Variants in AMN1 observed in about 807,000 individuals in gnomAD.
The protein encoded by AMN1 is protein AMN1 homolog.
AMN1 carries 20 observed loss-of-function variants against 33.0 expected under a neutral mutation model. The observed-to-expected ratio is 0.61, with a 90% CI of 0.43 to 0.88. AMN1 has a LOEUF of 0.88. Among genes scored for constraint, AMN1 ranks in the 40% least tolerant of loss-of-function variants. AMN1 has a pLI of 0.00. For synonymous variants in AMN1, 114 were observed against 111.9 expected, an observed-to-expected ratio of 1.02 and a Z score of -0.12; for missense variants, 246 against 307.4, an observed-to-expected ratio of 0.80 and a Z score of 1.49.
chr12:31,714,325 A>C (rs1035720636), intron 1 of AMN1: 2 of 152,104 alleles, frequency 1.3e-5, no homozygotes, highest in Non-Finnish European at 2.9e-5. Context: ...CTGCCTTTAA[A>C]ATTTTTATTT....
At chr12:31,674,130 T>C (rs561767848) in intron 6 of AMN1, among the ~76,000 whole-genome samples, 66 of 152,210 alleles carry the variant, frequency 4.3e-4, no homozygotes, top group African/African-American at 1.6e-3. Context: ...AACATTGGGC[T>C]GGGTGCGGTG....
At chr12:31,695,451 G>T (rs376485503) in intron 5 of AMN1, among the ~76,000 whole-genome samples, 2 of 146,964 alleles carry the variant, frequency 1.4e-5, no homozygotes, top group African/African-American at 2.6e-5. Flanking sequence ...TCAAAACTTG[G>T]TATAATAATA....
chr12:31,680,630 G>T (rs947554950), intron 6 of AMN1, among the ~76,000 whole-genome samples: 6 of 152,016 alleles, frequency 3.9e-5, no homozygotes, highest in Non-Finnish European at 7.3e-5. Flanking sequence ...TCTAACTAAG[G>T]TTAAGAAATT....
chr12:31,679,467 G>C (rs368947897), intron 6 of AMN1, among the ~76,000 whole-genome samples: 25 of 152,254 alleles, frequency 1.6e-4, no homozygotes, highest in Admixed American at 9.8e-4. Flanking sequence ...GGAGGCGGAG[G>C]TTGCAGTAAA....
chr12:31,726,631 A>G (rs1448562543), intron 1 of AMN1, among the ~76,000 whole-genome samples: 1 of 152,230 alleles, frequency 6.6e-6, no homozygotes, highest in Non-Finnish European at 1.5e-5. Flanking sequence ...AGAAAGCCTC[A>G]TCAGCTGGAC....
intron 5 of AMN1, among the ~76,000 whole-genome samples, chr12:31,689,378 T>C (rs929093881): frequency 2.0e-5 from 3 of 152,208 alleles, no homozygotes; most frequent in African/African-American, 4.8e-5. Flanking sequence ...GCAATTCCAA[T>C]TGTTGATCTA....
At chr12:31,721,390 C>T (rs1346290712) in intron 1 of AMN1, among the ~76,000 whole-genome samples, 1 of 152,114 alleles carries the variant, frequency 6.6e-6, no homozygotes, top group African/African-American at 2.4e-5. Context: ...TCCTCAACAC[C>T]CTCAGCATTC....
rs1240108160 is a variant in AMN1, at chr12:31,687,172, G to A, written c.703+1835C>T. Among the ~76,000 whole-genome samples, 2 of 151,786 alleles carry A rather than the reference G, an allele frequency of 1.3e-5. No homozygotes were observed. The highest frequency in any genetic ancestry group is 2.9e-5 in the Non-Finnish European group (2 of 67,948). On this transcript the variant is annotated intron_variant, in intron 6 of 6. Coordinates refer to ENST00000281471, the MANE Select transcript of AMN1 (RefSeq NM_001113402.2). The surrounding 1 kb of genome is among the most constrained non-coding windows in gnomAD (Gnocchi z 4.1). ...ATTACAGGCATAAACCACTGCACCCGGCCACCAGTGTCCTTACTGGCTCTA... is the reference window on the plus strand; with the variant it reads ...ATTACAGGCATAAACCACTGCACCCAGCCACCAGTGTCCTTACTGGCTCTA...
At chr12:31,674,836 G>A (rs959996775) in intron 6 of AMN1, among the ~76,000 whole-genome samples, 2 of 149,894 alleles carry the variant, frequency 1.3e-5, no homozygotes, top group Admixed American at 1.3e-4. Flanking sequence ...GCTAAGATGG[G>A]AAAACCCCGT....
intron 1 of AMN1, among the ~76,000 whole-genome samples, 153 bp downstream of exon 1, chr12:31,728,818 A>T (rs1013522876): frequency 8.6e-5 from 13 of 150,818 alleles, no homozygotes; most frequent in African/African-American, 3.2e-4. Flanking sequence ...GAAACGACAG[A>T]TCAGGAACCC....
chr12:31,728,452 A>C (rs567371860), intron 1 of AMN1, among the ~76,000 whole-genome samples: 1 of 152,246 alleles, frequency 6.6e-6, no homozygotes, highest in African/African-American at 2.4e-5. Flanking sequence ...GCACAGGGAG[A>C]GGTTACGTTA....
In AMN1 at chr12:31,722,003, C is replaced by T. The variant is rs115141100; in HGVS notation, c.38+6968G>A. On this transcript the variant is annotated intron_variant, in intron 1 of 6. Transcript: ENST00000281471. ...CAGAGTAAAGATTACATGTATCTGACGCTACCATTGCATGCTGGTCTTGTG... is the reference window on the plus strand; with the variant it reads ...CAGAGTAAAGATTACATGTATCTGATGCTACCATTGCATGCTGGTCTTGTG... Among the ~76,000 whole-genome samples the T allele has an allele frequency of 7.7e-3, 1,170 of 152,262 alleles. 14 individuals are homozygous for T. The highest frequency in any genetic ancestry group is 0.027 in the African/African-American group (1,104 of 41,538).
At chr12:31,726,216 CAA>C (rs1310192246) in intron 1 of AMN1, among the ~76,000 whole-genome samples, 10 of 148,666 alleles carry the variant, frequency 6.7e-5, no homozygotes, top group African/African-American at 2.5e-4. Flanking sequence ...AACTGGAGTG[CAA>C]TGGTGCAAGC....
intron 6 of AMN1, among the ~76,000 whole-genome samples, chr12:31,681,618 G>C (rs960511062): frequency 1.3e-5 from 2 of 152,172 alleles, no homozygotes; most frequent in Admixed American, 1.3e-4. Context: ...AGAGTTAAGT[G>C]ATTTATTCGA....
At chr12:31,715,580 G>GCTGCTTCAAGA (rs1939641831) in intron 1 of AMN1, 1 of 160,988 alleles carries the variant, frequency 6.2e-6, no homozygotes, top group African/African-American at 2.4e-5. Flanking sequence ...CTGCTTCAAG[G>GCTGCTTCAAGA]CCTCAGCTTC....
At chr12:31,720,518 C>T (rs1052968786) in intron 1 of AMN1, among the ~76,000 whole-genome samples, 3 of 147,350 alleles carry the variant, frequency 2.0e-5, no homozygotes, top group African/African-American at 7.5e-5. Context: ...CCAGCCTGGA[C>T]AACATGAGTG....
Position 31,728,992 on chromosome 12 carries a change from C to G in AMN1, c.17G>C (p.Arg6Pro). The change falls in exon 1 of 7, where the codon CGG (arginine) becomes CCG (proline). Residue 6 changes from arginine to proline, a missense_variant. Physicochemically the swap from Arg to Pro is moderately radical, Grantham distance 103. Transcript: ENST00000281471. MPRPR[R>P]VSQLLDLCLW... The stretch of plus-strand genomic sequence containing the variant: ...TCACAGATCCAGGAGCTGACTGACC[C>G]GCCGTGGGCGAGGCATCGCTGCAGC... The G allele has an allele frequency of 6.5e-7, 1 of 1,545,672 alleles. No individual in the cohort carries two copies. The highest frequency in any genetic ancestry group is 1.4e-5 in the African/African-American group (1 of 73,036).
At chr12:31,691,074 G>A (rs1186667095) in intron 5 of AMN1, among the ~76,000 whole-genome samples, 4 of 151,436 alleles carry the variant, frequency 2.6e-5, no homozygotes, top group African/African-American at 9.7e-5. Flanking sequence ...GGAGATGGAG[G>A]TTGCAGTGAG....
intron 1 of AMN1, among the ~76,000 whole-genome samples, chr12:31,724,481 G>T (rs958331702): frequency 6.6e-6 from 1 of 152,024 alleles, no homozygotes; most frequent in Non-Finnish European, 1.5e-5. Flanking sequence ...ACTCAAAATG[G>T]TGCATAATTT....
Sources: allele counts gnomAD v4.1 joint callset (sites outside exome capture counted in the v4.1 genomes callset), GRCh38; gene constraint gnomAD v4.1.1; non-coding constraint Gnocchi (gnomAD v3.1); transcripts MANE v1.5; gene names NCBI Gene and HGNC (gene_info 2026-07-23, HGNC 2026-07-21).